The following PCDHA12 variants were observed in gnomAD, a reference collection of about 807,000 sequenced individuals.
PCDHA12 encodes protocadherin alpha-12.
PCDHA12 carries 44 observed loss-of-function variants against 60.0 expected under a neutral mutation model. The ratio of observed to expected loss-of-function variants is 0.73; its 90% CI spans 0.58 to 0.94. The LOEUF (loss-of-function observed/expected upper bound fraction) is 0.94, where lower values mean the gene tolerates loss of function less well. PCDHA12 is among the 40% of genes least tolerant of loss of function. The pLI, the probability that PCDHA12 is intolerant of heterozygous loss-of-function variation, is 0.00. For synonymous variants in PCDHA12, 569 were observed against 553.0 expected (o/e 1.03, Z -0.40); for missense variants, 1,276 against 1,239.7 (o/e 1.03, Z -0.44).
rs575381539 is a variant in PCDHA12, at chr5:140,952,919, T to TGAGCAG, written c.2368-26018_2368-26013dup. On this transcript the variant is annotated intron_variant, in intron 1 of 3. Coordinates refer to ENST00000398631, the MANE Select transcript of PCDHA12 (RefSeq NM_018903.4). ...GGAATCAAGCTCATCTTACATGGCA[T>TGAGCAG]GAGCAGGAGCAGGAGCAAGAGAGAG... 2.3e-3 allele frequency among the ~76,000 whole-genome samples: 343 copies of TGAGCAG among 152,172 alleles called. 1 individual carries two copies. Among genetic ancestry groups the TGAGCAG allele is most frequent in the African/African-American group, 7.9e-3 (326 of 41,516 alleles).
chr5:141,002,273 AC>A (rs748746747), intron 3 of PCDHA12, among the ~76,000 whole-genome samples: 69 of 152,308 alleles, frequency 4.5e-4, no homozygotes, highest in Non-Finnish European at 9.1e-4. Flanking sequence ...AGAGCTGGTA[AC>A]AAAGGGATGA....
At chr5:140,965,838 T>C (rs1486782697) in intron 1 of PCDHA12, among the ~76,000 whole-genome samples, 5 of 152,204 alleles carry the variant, frequency 3.3e-5, no homozygotes, top group African/African-American at 1.2e-4. Flanking sequence ...ATATTGGTTA[T>C]TTGCCAAGGC....
At chr5:140,909,851 G>A (rs555110598) in intron 1 of PCDHA12, among the ~76,000 whole-genome samples, 17 of 152,228 alleles carry the variant, frequency 1.1e-4, no homozygotes, top group East Asian at 3.9e-4. Flanking sequence ...GGACGTTTTC[G>A]GTCCCCTGGA....
intron 1 of PCDHA12, among the ~76,000 whole-genome samples, chr5:140,937,400 T>A (rs1210509586): frequency 6.6e-6 from 1 of 152,224 alleles, no homozygotes; most frequent in Non-Finnish European, 1.5e-5. Flanking sequence ...ATAGGGGTAT[T>A]GCACAACTTT....
chr5:140,876,759 T>A lies in PCDHA12; in HGVS notation c.1287T>A (p.Asp429Glu). The A allele has an allele frequency of 6.2e-7, 1 of 1,614,146 alleles. No homozygotes were observed. The highest frequency in any genetic ancestry group is 8.5e-7 in the Non-Finnish European group (1 of 1,180,030). Residue 429 changes from aspartate to glutamate, a missense_variant, in exon 1 of 4, where the codon GAT becomes GAA. Coordinates refer to ENST00000398631, the MANE Select transcript of PCDHA12 (RefSeq NM_018903.4). ...SAYELVVTAR[D>E]GGSPSLWATA... ...ATGAGCTGGTGGTGACTGCGCGGGA[T>A]GGGGGCTCGCCTTCGCTGTGGGCCA... is the stretch of plus-strand genomic sequence containing the variant.
At chr5:140,980,409 A>C (rs782265012) in intron 2 of PCDHA12, among the ~76,000 whole-genome samples, 3 of 152,188 alleles carry the variant, frequency 2.0e-5, no homozygotes, top group Non-Finnish European at 4.4e-5. Flanking sequence ...AGGTGGGCAG[A>C]TCATGAGGTC....
At chr5:140,935,796 G>A (rs2090564598) in intron 1 of PCDHA12, among the ~76,000 whole-genome samples, 2 of 150,224 alleles carry the variant, frequency 1.3e-5, no homozygotes, top group African/African-American at 2.5e-5. Flanking sequence ...AAATATAAAC[G>A]AGATTATTTC....
At chr5:140,982,253 A>T (rs1209317234) in intron 2 of PCDHA12, 1 of 777,640 alleles carries the variant, frequency 1.3e-6, no homozygotes, top group African/African-American at 1.8e-5. Flanking sequence ...AAGATAGAAC[A>T]TGTGTGTTCC....
chr5:140,979,961 C>G (rs1554241296), intron 2 of PCDHA12, among the ~76,000 whole-genome samples: 1 of 152,054 alleles, frequency 6.6e-6, no homozygotes, highest in Non-Finnish European at 1.5e-5. Context: ...TAGTTTTAGC[C>G]CATTAAAATG....
rs892987704 is a variant in PCDHA12, at chr5:140,988,405, C to A, written c.2515+5842C>A. Among the ~76,000 whole-genome samples, 31 of 152,248 alleles carry A rather than the reference C, an allele frequency of 2.0e-4. No individual in the cohort carries two copies. In the East Asian group the frequency reaches 5.6e-3, roughly 28 times the overall value. The stretch of plus-strand genomic sequence containing the variant: ...ATTGTGTTTGCCAGAGTTCTCTTCG[C>A]AGCTTATGTAAAGAATTTGTTTGTT... On this transcript the variant is annotated intron_variant, in intron 3 of 3. Transcript: ENST00000398631.
At chr5:140,922,839 C>T (rs2081023123) in intron 1 of PCDHA12, among the ~76,000 whole-genome samples, 1 of 152,140 alleles carries the variant, frequency 6.6e-6, no homozygotes, top group South Asian at 2.1e-4. Context: ...TAGATGTCCT[C>T]AAAGAGACCA....
chr5:140,999,144 G>A (rs2097848915), intron 3 of PCDHA12, among the ~76,000 whole-genome samples: 1 of 152,200 alleles, frequency 6.6e-6, no homozygotes, highest in Non-Finnish European at 1.5e-5. Context: ...ACAGCCGGAA[G>A]TCTTCAGTCC....
Position 140,877,285 on chromosome 5 carries a change from G to C in PCDHA12, c.1813G>C (p.Ala605Pro). The change falls in exon 1 of 4, where the codon GCT becomes CCT. Residue 605 changes from alanine (A) to proline (P), a missense_variant. Physicochemically the swap from Ala to Pro is conservative, Grantham distance 27. Transcript: ENST00000398631. ...GGTGGACGCTGACTCCGGCTATAAC[G>C]CTTGGCTGTCCTACGAGTTGCAACC... is the stretch of plus-strand genomic sequence containing the variant. ...RAVDADSGYN[A>P]WLSYELQPAA... is the part of the protein sequence containing the mutation. The C allele has an allele frequency of 1.2e-6, 2 of 1,613,898 alleles. No individual in the cohort carries two copies. Among genetic ancestry groups the C allele is most frequent in the Non-Finnish European group, 1.7e-6 (2 of 1,179,848 alleles).
Position 141,009,783 on chromosome 5 carries a change from G to C in PCDHA12, c.2672G>C (p.Arg891Pro). The part of the protein sequence containing the change: ...IPGSPAIISI[R>P]QEPTNSQIDK... The stretch of plus-strand genomic sequence containing the variant: ...GGATCTCCTGCAATCATCTCCATCC[G>C]GCAGGAGCCTACTAACAGCCAAATT... Residue 891 changes from arginine (R) to proline (P), a missense_variant, in exon 4 of 4, where the codon CGG (arginine) becomes CCG (proline). Arg to Pro is a moderately radical substitution (Grantham distance 103). Coordinates refer to ENST00000398631, the MANE Select transcript of PCDHA12 (RefSeq NM_018903.4). 2 of 1,614,000 alleles carry C rather than the reference G, an allele frequency of 1.2e-6. No homozygotes were observed. The highest frequency in any genetic ancestry group is 1.7e-6 in the Non-Finnish European group (2 of 1,180,008).
intron 1 of PCDHA12, among the ~76,000 whole-genome samples, chr5:140,957,226 C>T (rs1421287024): frequency 1.3e-5 from 2 of 152,080 alleles, no homozygotes; most frequent in African/African-American, 4.8e-5. Context: ...TTTGGCGAAG[C>T]ATTTTGGCAT....
At chr5:140,996,226 G>C (rs2097717630) in intron 3 of PCDHA12, among the ~76,000 whole-genome samples, 1 of 152,196 alleles carries the variant, frequency 6.6e-6, no homozygotes, top group South Asian at 2.1e-4. Context: ...GTCTAGAAAT[G>C]GTTGCTCAAG....
intron 1 of PCDHA12, among the ~76,000 whole-genome samples, chr5:140,906,837 A>C (rs543572104): frequency 2.0e-4 from 31 of 152,292 alleles, no homozygotes; most frequent in African/African-American, 7.5e-4. Flanking sequence ...GACTGATTTC[A>C]TCTTGAGAGT....
At position 140,914,538 on chromosome 5, in the gene PCDHA12, T is replaced by C. The variant is rs1393710886; in HGVS notation, c.2367+36699T>C. ...TTTTTTCATCCATTCAGCCACTTTA[T>C]TTCTTTTTATTGGAGAGTTTAGTCC... is the stretch of plus-strand genomic sequence containing the variant. On this transcript the variant is annotated intron_variant, in intron 1 of 3. Transcript: ENST00000398631. 2.0e-5 allele frequency among the ~76,000 whole-genome samples: 3 copies of C among 152,198 alleles called. No individual in the cohort carries two copies. The East Asian group carries it at 5.8e-4, about 29-fold the overall frequency.
chr5:140,887,955 CTTTT>C (rs2061644555), intron 1 of PCDHA12, among the ~76,000 whole-genome samples: 2 of 152,088 alleles, frequency 1.3e-5, no homozygotes, highest in African/African-American at 4.8e-5. Flanking sequence ...GTATAAGATT[CTTTT>C]TGTCTCTTTT....
Sources: allele counts gnomAD v4.1 joint callset (sites outside exome capture counted in the v4.1 genomes callset), GRCh38; gene constraint gnomAD v4.1.1; transcripts MANE v1.5; gene names NCBI Gene and HGNC (gene_info 2026-07-23, HGNC 2026-07-21).